MPP7: variants seen among roughly 807,000 people sequenced by gnomAD.
MPP7 encodes the protein MAGUK p55 scaffold protein 7.
A neutral mutation model predicts 76.5 loss-of-function variants in MPP7; 60 were observed. The ratio of observed to expected loss-of-function variants is 0.78; its 90% CI spans 0.64 to 0.97. The LOEUF is 0.97. Ranked by LOEUF, MPP7 falls within the 50% of genes least tolerant of loss-of-function variation. The pLI is 0.00. For missense variants in MPP7, 641 were observed against 694.0 expected (o/e 0.92, Z 0.86); for synonymous variants, 237 against 244.5 (o/e 0.97, Z 0.29).
chr10:28,203,364 G>C (rs1398087205), intron 2 of MPP7: 1 of 151,960 alleles, frequency 6.6e-6, no homozygotes, highest in Non-Finnish European at 1.5e-5. Flanking sequence ...TACTAATTCT[G>C]CTTATCAGTG....
chr10:28,176,997 G>A (rs1836886669), intron 3 of MPP7, among the ~76,000 whole-genome samples: 1 of 149,734 alleles, frequency 6.7e-6, no homozygotes, highest in African/African-American at 2.5e-5. Flanking sequence ...TGCACATTGT[G>A]CACATGTACC....
intron 2 of MPP7, among the ~76,000 whole-genome samples, chr10:28,228,144 A>C (rs1016101909): frequency 1.3e-5 from 2 of 152,254 alleles, no homozygotes; most frequent in African/African-American, 2.4e-5. Context: ...CAACAAGTTC[A>C]AGACCTTGCT....
At chr10:28,139,311 G>A (rs72803630) in intron 5 of MPP7, among the ~76,000 whole-genome samples, 5,746 of 152,292 alleles carry the variant, frequency 0.038, 158 homozygotes, top group Middle Eastern at 0.082. Flanking sequence ...CTTGGGGCAT[G>A]AATGCCCTCA....
At chr10:28,146,080 C>T (rs1262537952) in intron 5 of MPP7, among the ~76,000 whole-genome samples, 2 of 152,276 alleles carry the variant, frequency 1.3e-5, no homozygotes, top group East Asian at 3.9e-4. Context: ...ATATTCATAG[C>T]TAACCTCACC....
At chr10:28,302,449 G>GA (rs914787715) in intron 1 of MPP7, among the ~76,000 whole-genome samples, 22 of 152,052 alleles carry the variant, frequency 1.4e-4, no homozygotes, top group African/African-American at 4.6e-4. Context: ...CTTAGGGAAA[G>GA]AAAAAAAAGA....
At chr10:28,275,184 T>G (rs529940153) in intron 1 of MPP7, among the ~76,000 whole-genome samples, 5 of 152,304 alleles carry the variant, frequency 3.3e-5, no homozygotes, top group African/African-American at 1.2e-4. Context: ...ATGTGTCATC[T>G]TCACTTAATG....
chr10:28,278,549 T>C (rs1005178914), intron 1 of MPP7, among the ~76,000 whole-genome samples: 1 of 152,056 alleles, frequency 6.6e-6, no homozygotes, highest in African/African-American at 2.4e-5. Flanking sequence ...CTGGTCTCTA[T>C]ATCATCATGG....
chr10:28,268,212 G>A lies in MPP7; in HGVS notation c.-131-29477C>T, dbSNP rs571487578. 6.6e-5 allele frequency among the ~76,000 whole-genome samples: 10 copies of A among 152,230 alleles called. No homozygotes were observed. The East Asian group carries it at 1.2e-3, about 18-fold the overall frequency. The stretch of plus-strand genomic sequence containing the variant: ...CTGAATCACTGTGGGGCAGGGAACC[G>A]CCATGTGAGAGACAAGGGCATCCGG... On this transcript the variant is annotated intron_variant, in intron 1 of 16. Coordinates refer to ENST00000683449, the MANE Select transcript of MPP7 (RefSeq NM_001318170.2).
intron 1 of MPP7, among the ~76,000 whole-genome samples, chr10:28,299,983 G>A (rs1841117234): frequency 1.3e-5 from 2 of 151,946 alleles, no homozygotes; most frequent in South Asian, 2.1e-4. Context: ...TAGCCAGGAT[G>A]GTCTCAATCT....
intron 2 of MPP7, among the ~76,000 whole-genome samples, chr10:28,321,961 G>C (rs903656875): frequency 6.7e-6 from 1 of 148,942 alleles, no homozygotes; most frequent in African/African-American, 2.5e-5. Context: ...GTGTGTGTGT[G>C]TGTGTGTGTG....
intron 12 of MPP7, among the ~76,000 whole-genome samples, chr10:28,089,444 G>C (rs1191360334): frequency 1.3e-5 from 2 of 152,084 alleles, no homozygotes; most frequent in Admixed American, 6.6e-5. Flanking sequence ...ATCCCCACTT[G>C]ACAAAGGTTC....
intron 11 of MPP7, among the ~76,000 whole-genome samples, chr10:28,090,612 T>C (rs12414756): frequency 0.082 from 12,535 of 152,212 alleles, 963 homozygotes; most frequent in African/African-American, 0.2. Flanking sequence ...AACGTACCCA[T>C]GGCACAGGCA....
Position 28,189,676 on chromosome 10 carries a change from T to G in MPP7, c.156+12477A>C, listed in dbSNP as rs1202291200. Among the ~76,000 whole-genome samples the G allele has an allele frequency of 3.3e-5, 5 of 150,894 alleles. 1 individual carries two copies. The highest frequency in any genetic ancestry group is 7.4e-5 in the Non-Finnish European group (5 of 67,824). On this transcript the variant is annotated intron_variant, in intron 3 of 16. Coordinates refer to ENST00000683449, the MANE Select transcript of MPP7 (RefSeq NM_001318170.2). ...AAAAAAAAAATTAAGTATAATTGAT[T>G]TGATAAAAGAAGAGAGTAAATGGAA...
intron 1 of MPP7, among the ~76,000 whole-genome samples, chr10:28,286,990 G>A (rs1840804202): frequency 6.6e-6 from 1 of 152,142 alleles, no homozygotes; most frequent in African/African-American, 2.4e-5. Context: ...TTGCCTGAAG[G>A]AAAAGAATTT....
At chr10:28,224,261 A>G (rs756758432) in intron 2 of MPP7, among the ~76,000 whole-genome samples, 2 of 152,160 alleles carry the variant, frequency 1.3e-5, no homozygotes, top group South Asian at 2.1e-4. Flanking sequence ...GAGATGAATT[A>G]GTTTCTGAAA....
intron 2 of MPP7, among the ~76,000 whole-genome samples, chr10:28,225,051 A>G (rs1325284650): frequency 6.6e-6 from 1 of 152,160 alleles, no homozygotes; most frequent in African/African-American, 2.4e-5. Context: ...GCTTCCCAGG[A>G]TAAAAACTGG....
chr10:28,070,166 G>A (rs1216459970), intron 12 of MPP7, among the ~76,000 whole-genome samples: 1 of 152,148 alleles, frequency 6.6e-6, no homozygotes, highest in African/African-American at 2.4e-5. Flanking sequence ...GGGAGGCCGA[G>A]GTGGGCAGAT....
At chr10:28,250,245 G>T (rs569623032) in intron 1 of MPP7, among the ~76,000 whole-genome samples, 2 of 152,118 alleles carry the variant, frequency 1.3e-5, no homozygotes, top group Admixed American at 1.3e-4. Context: ...TGTAATTTAT[G>T]CAAAAATACT....
chr10:28,234,820 G>GT (rs566759529), intron 2 of MPP7, among the ~76,000 whole-genome samples: 15 of 151,648 alleles, frequency 9.9e-5, no homozygotes, highest in South Asian at 6.2e-4. Context: ...TTGTTGTTTT[G>GT]TTTTTTTTGA....
Sources: allele counts gnomAD v4.1 joint callset (sites outside exome capture counted in the v4.1 genomes callset), GRCh38; gene constraint gnomAD v4.1.1; transcripts MANE v1.5; gene names NCBI Gene and HGNC (gene_info 2026-07-23, HGNC 2026-07-21).